Variants in PRKCG observed in about 807,000 individuals in gnomAD.
PRKCG encodes protein kinase C gamma.
A neutral mutation model predicts 82.0 loss-of-function variants in PRKCG; 28 were observed. The observed-to-expected ratio is 0.34, with a 90% CI of 0.25 to 0.47. PRKCG has a LOEUF of 0.47. Ranked by LOEUF, PRKCG falls within the 20% of genes least tolerant of loss-of-function variation. The pLI is 1.00. For missense variants in PRKCG, 640 were observed against 952.7 expected (o/e 0.67, Z 4.32); for synonymous variants, 383 against 376.6 (o/e 1.02, Z -0.20).
In PRKCG at chr19:53,904,655, C is replaced by A. The variant is rs763956622; in HGVS notation, c.1677C>A (p.Asp559Glu). ...LAGQPPFDGE[D>E]EEELFQAIME... ...GATAGCCTCCCTTCGATGGGGAGGA[C>A]GAGGAGGAGCTGTTTCAGGCCATCA... The change falls in exon 16 of 18, where the codon GAC becomes GAA. Residue 559 changes from aspartate to glutamate, a missense_variant. Asp to Glu is a conservative substitution (Grantham distance 45, BLOSUM62 2). Coordinates refer to ENST00000263431, the MANE Select transcript of PRKCG (RefSeq NM_002739.5). The A allele has an allele frequency of 1.2e-6, 2 of 1,613,372 alleles. No homozygotes were observed. Among genetic ancestry groups the A allele is most frequent in the South Asian group, 1.1e-5 (1 of 90,966 alleles).
Position 53,900,365 on chromosome 19 carries a change from G to T in PRKCG, c.1373+41G>T, listed in dbSNP as rs781474547. The T allele has an allele frequency of 9.3e-6, 15 of 1,613,860 alleles. No homozygotes were observed. Among genetic ancestry groups the T allele is most frequent in the Non-Finnish European group, 1.2e-5 (14 of 1,179,884 alleles). On this transcript the variant is annotated intron_variant, in intron 12 of 17. Coordinates refer to ENST00000263431, the MANE Select transcript of PRKCG (RefSeq NM_002739.5). This position sits in a 1 kb window ranked among gnomAD's most constrained non-coding sequence, Gnocchi z 4.2. ...CAGAGAATGGTCGGGGTGGTGGAAGGGGGCAGGATCCAGCCACTGACCTTC... is the reference window on the plus strand; with the variant it reads ...CAGAGAATGGTCGGGGTGGTGGAAGTGGGCAGGATCCAGCCACTGACCTTC...
chr19:53,890,663 T>A (rs1264892503), intron 5 of PRKCG, among the ~76,000 whole-genome samples: 2 of 139,706 alleles, frequency 1.4e-5, no homozygotes, highest in Non-Finnish European at 3.1e-5. Context: ...CTCACTGCAA[T>A]CTCTGCCTCC....
Position 53,907,210 on chromosome 19 carries a change from A to C in PRKCG, c.*315A>C. On this transcript the variant is annotated 3_prime_UTR_variant, in exon 18 of 18. Coordinates refer to ENST00000263431, the MANE Select transcript of PRKCG (RefSeq NM_002739.5). ...CATCCCCAACTCCATGGGGTTCGAG[A>C]CTCCATCTTGGTAGTTCTGTGCCTC... is the stretch of plus-strand genomic sequence containing the variant. The C allele has an allele frequency of 4.3e-6, 2 of 459,800 alleles. No homozygotes were observed. The highest frequency in any genetic ancestry group is 7.9e-6 in the Non-Finnish European group (2 of 252,686). The allele number at this position is 459,800 out of a possible 1,614,324, so 28.5% of individuals were successfully genotyped here.
chr19:53,900,547 T>C lies in PRKCG; in HGVS notation c.1437-64T>C, dbSNP rs2242245. The C allele has an allele frequency of 0.017, 27,128 of 1,614,186 alleles. 997 individuals are homozygous for C. Among genetic ancestry groups the C allele is most frequent in the East Asian group, 0.15 (6,610 of 44,878 alleles). The stretch of plus-strand genomic sequence containing the variant: ...CTGGAAGGGAAGGGATTTGAATATG[T>C]GGCTCTAGACTGCTGAACTCAACAC... On this transcript the variant is annotated intron_variant, in intron 13 of 17. Coordinates refer to ENST00000263431, the MANE Select transcript of PRKCG (RefSeq NM_002739.5). This position sits in a 1 kb window ranked among gnomAD's most constrained non-coding sequence, Gnocchi z 4.2.
At position 53,892,752 on chromosome 19, in the gene PRKCG, G is replaced by GCACACACACACA. The variant is rs762529486; in HGVS notation, c.821+127_821+138dup. 2.7e-6 allele frequency: 3 copies of GCACACACACACA among 1,097,876 alleles called. No homozygotes were observed. Among genetic ancestry groups the GCACACACACACA allele is most frequent in the Non-Finnish European group, 3.9e-6 (3 of 772,974 alleles). 68.0% of individuals were successfully genotyped at this position (1,097,876 alleles called of 1,614,324 possible). A position where few individuals can be genotyped will look rare whatever the true frequency, so the allele number is the denominator to read the frequency against. On this transcript the variant is annotated intron_variant, in intron 7 of 17. Coordinates refer to ENST00000263431, the MANE Select transcript of PRKCG (RefSeq NM_002739.5). This position sits in a 1 kb window ranked among gnomAD's most constrained non-coding sequence, Gnocchi z 5.9. ...TCCTTCCCTCTGCCTCCCAGCATGC[G>GCACACACACACA]CACACACACACACACACACACACAC...
At chr19:53,887,829 CAAAA>C (rs60094916) in intron 3 of PRKCG, among the ~76,000 whole-genome samples, 3 of 57,656 alleles carry the variant, frequency 5.2e-5, no homozygotes, top group African/African-American at 4.5e-5. Flanking sequence ...GACTCCATCT[CAAAA>C]AAAAAAAAAA....
At chr19:53,905,599 CT>C (rs1033279370) in intron 16 of PRKCG, among the ~76,000 whole-genome samples, 2 of 151,492 alleles carry the variant, frequency 1.3e-5, no homozygotes, top group African/African-American at 2.4e-5. Context: ...CTGTACCACC[CT>C]CTGAATTTCT....
rs1298364205 is a variant in PRKCG at position 53,907,084 on chromosome 19, A to G, written c.*189A>G. The G allele has an allele frequency of 7.6e-7, 1 of 1,315,772 alleles. No individual in the cohort carries two copies. The highest frequency in any genetic ancestry group is 2.5e-5 in the East Asian group (1 of 39,600). The allele number at this position is 1,315,772 out of a possible 1,614,324, so 81.5% of individuals were successfully genotyped here. A position where few individuals can be genotyped will look rare whatever the true frequency, so the allele number is the denominator to read the frequency against. Reference sequence around the variant, plus strand: ...GCCTTCTGAACTCCATACAGCCTCTACAGCCGTCCCGCGTTCAAGACTTGA... The same window carrying G: ...GCCTTCTGAACTCCATACAGCCTCTGCAGCCGTCCCGCGTTCAAGACTTGA... On this transcript the variant is annotated 3_prime_UTR_variant, in exon 18 of 18. Coordinates refer to ENST00000263431, the MANE Select transcript of PRKCG (RefSeq NM_002739.5).
At chr19:53,903,036 G>A in intron 14 of PRKCG, 37 bp from the exon 15 acceptor site, 1 of 1,545,086 alleles carries the variant, frequency 6.5e-7, no homozygotes, top group Non-Finnish European at 8.9e-7. Flanking sequence ...GCTTCCTAAA[G>A]AACGCATCAT....
intron 16 of PRKCG, among the ~76,000 whole-genome samples, chr19:53,906,072 C>CTTCTTCTT (rs2068804789): frequency 3.8e-5 from 2 of 52,294 alleles, no homozygotes; most frequent in African/African-American, 2.5e-4. Context: ...TCCTCCTCCT[C>CTTCTTCTT]CTCCTCCTCC....
intron 9 of PRKCG, among the ~76,000 whole-genome samples, chr19:53,895,097 C>T (rs1459991306): frequency 6.6e-6 from 1 of 152,172 alleles, no homozygotes; most frequent in Non-Finnish European, 1.5e-5. Flanking sequence ...CCAGGCGTGG[C>T]TCTACTCACT....
intron 14 of PRKCG, among the ~76,000 whole-genome samples, chr19:53,902,813 G>C (rs768520702): frequency 6.9e-6 from 1 of 144,732 alleles, no homozygotes; most frequent in Non-Finnish European, 1.5e-5. Context: ...AGAATTACCT[G>C]AGCCTGGGAA....
Position 53,893,025 on chromosome 19 carries a change from A to C in PRKCG, c.859A>C (p.Asn287His). Residue 287 changes from asparagine to histidine, a missense_variant, in exon 8 of 18, where the codon AAT becomes CAT. Physicochemically the swap from Asn to His is moderately conservative, Grantham distance 68. Coordinates refer to ENST00000263431, the MANE Select transcript of PRKCG (RefSeq NM_002739.5). ...GAACCAGGAGGAGGGCGAGTATTAC[A>C]ATGTGCCGGTGGCCGATGCTGACAA... Reference protein sequence around the residue: ...LLNQEEGEYYNVPVADADNCS... With the variant: ...LLNQEEGEYYHVPVADADNCS... 2 of 1,613,922 alleles carry C rather than the reference A, an allele frequency of 1.2e-6. No individual in the cohort carries two copies. The highest frequency in any genetic ancestry group is 1.7e-6 in the Non-Finnish European group (2 of 1,179,968).
At chr19:53,901,350 C>T (rs1345486456) in intron 14 of PRKCG, among the ~76,000 whole-genome samples, 2 of 151,650 alleles carry the variant, frequency 1.3e-5, no homozygotes, top group Admixed American at 1.3e-4. Flanking sequence ...TTGAGACCAG[C>T]CTGGCCAACA....
Position 53,882,427 on chromosome 19 carries a change from C to A in PRKCG, c.-68C>A. 6.3e-7 allele frequency: 1 copy of A among 1,575,110 alleles called. No individual in the cohort carries two copies. Among genetic ancestry groups the A allele is most frequent in the African/African-American group, 1.4e-5 (1 of 73,168 alleles). Reference sequence around the variant, plus strand: ...CTCCTTTGATCCTTCGAGTCTCCAGCTCCTCTCCCTTCCACCTGTTTCCCC... The same window carrying A: ...CTCCTTTGATCCTTCGAGTCTCCAGATCCTCTCCCTTCCACCTGTTTCCCC... On this transcript the variant is annotated 5_prime_UTR_variant, in exon 1 of 18. Transcript: ENST00000263431. This position sits in a 1 kb window ranked among gnomAD's most constrained non-coding sequence, Gnocchi z 6.1.
In PRKCG at chr19:53,901,710, C is replaced by G. The variant is rs1238634023; in HGVS notation, c.1575+961C>G. On this transcript the variant is annotated intron_variant, in intron 14 of 17. Coordinates refer to ENST00000263431, the MANE Select transcript of PRKCG (RefSeq NM_002739.5). ...ACTAAAAATACAAAAATTAGCCAGGCGTGGTGGCGGGTGCCTGTAGTCCCA... is the reference window on the plus strand; with the variant it reads ...ACTAAAAATACAAAAATTAGCCAGGGGTGGTGGCGGGTGCCTGTAGTCCCA... 2.0e-5 allele frequency among the ~76,000 whole-genome samples: 3 copies of G among 150,554 alleles called. No individual in the cohort carries two copies. In the Admixed American group the frequency reaches 2.0e-4, roughly 10 times the overall value.
At position 53,882,297 on chromosome 19, in the gene PRKCG, C is replaced by T. The variant is rs1414571673; in HGVS notation, c.-198C>T. 1.4e-6 allele frequency: 1 copy of T among 737,014 alleles called. No homozygotes were observed. Among genetic ancestry groups the T allele is most frequent in the Non-Finnish European group, 2.2e-6 (1 of 452,758 alleles). 45.7% of individuals were successfully genotyped at this position (737,014 alleles called of 1,614,324 possible). ...GGCTCTTCCTCCCCACTCGCCCGCTCCCCCTGGCGGAGCCGGCGCGCCCGG... is the reference window on the plus strand; with the variant it reads ...GGCTCTTCCTCCCCACTCGCCCGCTTCCCCTGGCGGAGCCGGCGCGCCCGG... On this transcript the variant is annotated 5_prime_UTR_variant, in exon 1 of 18. Transcript: ENST00000263431. This position sits in a 1 kb window ranked among gnomAD's most constrained non-coding sequence, Gnocchi z 6.1.
chr19:53,889,589 GT>G lies in PRKCG; in HGVS notation c.286-45del. ...AAGATAAAAGGGCCCCTCCCCTGGG[GT>G]TTTAGGACCCTCCCAACGCCCCCTA... On this transcript the variant is annotated intron_variant, in intron 3 of 17. Coordinates refer to ENST00000263431, the MANE Select transcript of PRKCG (RefSeq NM_002739.5). The surrounding 1 kb of genome is among the most constrained non-coding windows in gnomAD (Gnocchi z 4.4). 1 of 1,475,974 alleles carries G rather than the reference GT, an allele frequency of 6.8e-7. No homozygotes were observed. Among genetic ancestry groups the G allele is most frequent in the Non-Finnish European group, 9.5e-7 (1 of 1,056,548 alleles). The allele number at this position is 1,475,974 out of a possible 1,614,324, so 91.4% of individuals were successfully genotyped here. A position where few individuals can be genotyped will look rare whatever the true frequency, so the allele number is the denominator to read the frequency against.
At chr19:53,897,696 T>A (rs1490024584) in intron 9 of PRKCG, among the ~76,000 whole-genome samples, 2 of 151,824 alleles carry the variant, frequency 1.3e-5, no homozygotes, top group Non-Finnish European at 2.9e-5. Context: ...ATAGCAGGGT[T>A]TTCTGGAAAC....
Sources: gnomAD v4.1 joint callset for allele counts (sites outside exome capture counted in the v4.1 genomes callset) on GRCh38, gnomAD v4.1.1 for gene constraint, Gnocchi (gnomAD v3.1) non-coding constraint, MANE v1.5 for transcripts, NCBI Gene and HGNC (gene_info 2026-07-23, HGNC 2026-07-21) for gene names.